The following OSBPL10 variants were observed in gnomAD, a reference collection of about 807,000 sequenced individuals.
OSBPL10 encodes the protein oxysterol-binding protein-related protein 10.
Under a neutral mutation model 81.7 loss-of-function variants are expected in OSBPL10, and 49 were observed. The observed-to-expected ratio is 0.60, with a 90% CI of 0.48 to 0.76. The LOEUF (loss-of-function observed/expected upper bound fraction) is 0.76. Among genes scored for constraint, OSBPL10 ranks in the 30% least tolerant of loss-of-function variants. OSBPL10 has a pLI of 0.00. For missense variants in OSBPL10, 923 were observed against 987.8 expected, an observed-to-expected ratio of 0.93 and a Z score of 0.88; for synonymous variants, 419 against 383.6, an observed-to-expected ratio of 1.09 and a Z score of -1.08.
intron 1 of OSBPL10, among the ~76,000 whole-genome samples, chr3:31,903,371 G>A (rs1216511114): frequency 3.5e-5 from 5 of 143,700 alleles, no homozygotes; most frequent in South Asian, 4.4e-4. Context: ...TATGTTGCCC[G>A]GATTGGAGTA....
chr3:32,067,026 C>T (rs1699785971), intron 1 of OSBPL10, among the ~76,000 whole-genome samples: 1 of 152,160 alleles, frequency 6.6e-6, no homozygotes, highest in Non-Finnish European at 1.5e-5. Context: ...AAGAAAGTAA[C>T]TTGAAGTGAC....
At chr3:31,928,168 T>C (rs886180697) in intron 1 of OSBPL10, among the ~76,000 whole-genome samples, 7 of 152,194 alleles carry the variant, frequency 4.6e-5, no homozygotes, top group Non-Finnish European at 8.8e-5. Flanking sequence ...GATTTGCGGA[T>C]GGTATTTAAA....
At chr3:31,715,908 G>A (rs927148502) in intron 6 of OSBPL10, among the ~76,000 whole-genome samples, 11 of 152,278 alleles carry the variant, frequency 7.2e-5, no homozygotes, top group African/African-American at 2.2e-4. Context: ...TGATTCTTTC[G>A]GAACTGTACA....
At chr3:31,812,767 A>G (rs1699727570) in intron 4 of OSBPL10, among the ~76,000 whole-genome samples, 2 of 49,046 alleles carry the variant, frequency 4.1e-5, no homozygotes, top group African/African-American at 1.9e-4. Context: ...AGAAAGAAAG[A>G]AAGAAAGAAA....
intron 4 of OSBPL10, among the ~76,000 whole-genome samples, chr3:31,757,223 A>G (rs1697914411): frequency 6.6e-6 from 1 of 152,154 alleles, no homozygotes; most frequent in Non-Finnish European, 1.5e-5. Context: ...CTATTTGGAG[A>G]TTGGTTCTCT....
rs200674528 is a variant in OSBPL10 at position 31,748,045 on chromosome 3, T to C, written c.805A>G (p.Thr269Ala). 30 of 1,613,952 alleles carry C rather than the reference T, an allele frequency of 1.9e-5. No individual in the cohort carries two copies. The highest frequency in any genetic ancestry group is 2.5e-5 in the Non-Finnish European group (29 of 1,180,016). ...IESLPGSGPL[T>A]ALDQDLLLLK... ...AGCAGCAGGTCCTGGTCCAAGGCAG[T>C]GAGGGGGCCGGACCCTGGCAGGGAC... Residue 269 changes from threonine (T) to alanine (A), a missense_variant, in exon 5 of 12, where the codon ACT becomes GCT. By Grantham distance (58) the Thr-to-Ala change is moderately conservative. Transcript: ENST00000396556.
chr3:31,847,532 T>G (rs1700663740), intron 3 of OSBPL10, among the ~76,000 whole-genome samples: 2 of 152,132 alleles, frequency 1.3e-5, no homozygotes, highest in African/African-American at 4.8e-5. Flanking sequence ...CTTGCCCTCC[T>G]CAGAGCTGTC....
Position 31,718,202 on chromosome 3 carries a change from A to C in OSBPL10, c.1095+15055T>G, listed in dbSNP as rs148389820. On this transcript the variant is annotated intron_variant, in intron 6 of 11. Coordinates refer to ENST00000396556, the MANE Select transcript of OSBPL10 (RefSeq NM_017784.5). ...GAGTGCAGTGGCGCGATCTCGGCTC[A>C]CTGCAACCTCTGCCTCCCAGGTTCA... The C allele has an allele frequency of 5.5e-4, 84 of 152,314 alleles. 1 individual carries two copies. Among genetic ancestry groups the C allele is most frequent in the African/African-American group, 1.9e-3 (79 of 41,084 alleles). The allele number at this position is 152,314 out of a possible 1,614,324, so 9.4% of individuals were successfully genotyped here.
At chr3:32,059,903 C>A (rs1699742238) in intron 1 of OSBPL10, among the ~76,000 whole-genome samples, 1 of 151,938 alleles carries the variant, frequency 6.6e-6, no homozygotes. Flanking sequence ...CAGAGCCAGA[C>A]CCTGTCTCAA....
intron 1 of OSBPL10, among the ~76,000 whole-genome samples, chr3:31,887,617 T>C (rs1170796016): frequency 6.6e-6 from 1 of 152,154 alleles, no homozygotes; most frequent in Non-Finnish European, 1.5e-5. Flanking sequence ...CCTATAGTAG[T>C]CTTGTCATCT....
chr3:31,708,737 G>A, intron 6 of OSBPL10: 2 of 985,406 alleles, frequency 2.0e-6, no homozygotes, highest in Non-Finnish European at 2.4e-6. Context: ...ACACTGCACA[G>A]GTGAGATTTC....
intron 1 of OSBPL10, among the ~76,000 whole-genome samples, chr3:32,056,674 C>T (rs1699715034): frequency 6.6e-6 from 1 of 152,156 alleles, no homozygotes; most frequent in Non-Finnish European, 1.5e-5. Flanking sequence ...CTATTCAGCC[C>T]GAAGAAATTA....
chr3:32,026,545 G>C (rs1334836744), intron 2 of OSBPL10, among the ~76,000 whole-genome samples: 1 of 152,088 alleles, frequency 6.6e-6, no homozygotes, highest in Non-Finnish European at 1.5e-5. Context: ...GGAACTATAT[G>C]GTTCTAAAAA....
At chr3:31,878,991 A>C in intron 2 of OSBPL10, among the ~76,000 whole-genome samples, 1 of 152,202 alleles carries the variant, frequency 6.6e-6, no homozygotes, top group East Asian at 1.9e-4. Flanking sequence ...ATTTTATTAC[A>C]AGTCTGACAT....
intron 6 of OSBPL10, among the ~76,000 whole-genome samples, chr3:31,713,383 T>A (rs1381677160): frequency 7.9e-5 from 12 of 152,102 alleles, no homozygotes; most frequent in Admixed American, 7.9e-4. Context: ...GATCTTTTTT[T>A]AATTTTATTT....
At chr3:31,688,918 C>G (rs1015549523) in intron 7 of OSBPL10, among the ~76,000 whole-genome samples, 5 of 152,188 alleles carry the variant, frequency 3.3e-5, no homozygotes, top group African/African-American at 1.2e-4. Context: ...TCCTAAGACA[C>G]CTTTGGGGCC....
At chr3:31,983,524 G>A (rs139786532), upstream of OSBPL10, among the ~76,000 whole-genome samples, 30 of 152,306 alleles carry the variant, frequency 2.0e-4, no homozygotes, top group East Asian at 5.6e-3. Context: ...GCCAGGATGG[G>A]GCAGGAGCAA....
At position 31,861,004 on chromosome 3, in the gene OSBPL10, G is replaced by T. The variant is rs967983094; in HGVS notation, c.537+15429C>A. ...GGGATTACAGTTGTGAACCACACAT[G>T]GGCAAAAATACCTTAGTTCTTAAGT... is the stretch of plus-strand genomic sequence containing the variant. On this transcript the variant is annotated intron_variant, in intron 3 of 11. Coordinates refer to ENST00000396556, the MANE Select transcript of OSBPL10 (RefSeq NM_017784.5). Among the ~76,000 whole-genome samples, 6 of 151,640 alleles carry T rather than the reference G, an allele frequency of 4.0e-5. No individual in the cohort carries two copies. The East Asian group carries it at 1.2e-3, about 29-fold the overall frequency.
intron 1 of OSBPL10, among the ~76,000 whole-genome samples, chr3:31,932,728 A>C (rs912064980): frequency 6.6e-6 from 1 of 152,070 alleles, no homozygotes; most frequent in African/African-American, 2.4e-5. Context: ...GGTGTCAGCA[A>C]GAGAATCAAA....
Sources: allele counts gnomAD v4.1 joint callset (sites outside exome capture counted in the v4.1 genomes callset), GRCh38; gene constraint gnomAD v4.1.1; transcripts MANE v1.5; gene names NCBI Gene and HGNC (gene_info 2026-07-23, HGNC 2026-07-21).